CLPB: variants seen among roughly 807,000 people sequenced by gnomAD.
CLPB encodes the protein mitochondrial disaggregase.
CLPB carries 40 observed loss-of-function variants against 78.4 expected under a neutral mutation model. The observed-to-expected ratio is 0.51, with a 90% confidence interval of 0.40 to 0.66. CLPB has a LOEUF of 0.66. Ranked by LOEUF, CLPB falls within the 30% of genes least tolerant of loss-of-function variation. The pLI is 0.00. For synonymous variants in CLPB, 333 were observed against 348.0 expected, an observed-to-expected ratio of 0.96 and a Z score of 0.48; for missense variants, 780 against 886.9, an observed-to-expected ratio of 0.88 and a Z score of 1.53.
At chr11:72,368,684 T>C (rs1445891559) in intron 4 of CLPB, among the ~76,000 whole-genome samples, 4 of 152,232 alleles carry the variant, frequency 2.6e-5, no homozygotes, top group Non-Finnish European at 4.4e-5. Context: ...GGTTGCTTAA[T>C]AAACACTTCT....
intron 2 of CLPB, among the ~76,000 whole-genome samples, chr11:72,421,813 G>A (rs1248902277): frequency 2.0e-5 from 3 of 152,160 alleles, no homozygotes; most frequent in Admixed American, 1.3e-4. Flanking sequence ...CATCACCAGG[G>A]AACAAGCAAT....
chr11:72,386,275 C>T lies in CLPB; in HGVS notation c.543-5891G>A, dbSNP rs145755520. ...ATATGTTTAATAGTCAGTTGTGCTT[C>T]TTCTTCACAAATCCCTTATTAAGGT... On this transcript the variant is annotated intron_variant, in intron 3 of 15. Transcript: ENST00000538039. 1.1e-4 allele frequency among the ~76,000 whole-genome samples: 16 copies of T among 152,236 alleles called. No homozygotes were observed. In the East Asian group the frequency reaches 3.1e-3, roughly 29 times the overall value.
intron 5 of CLPB, among the ~76,000 whole-genome samples, chr11:72,339,295 AG>A (rs1485408632): frequency 2.0e-5 from 3 of 152,208 alleles, no homozygotes; most frequent in Non-Finnish European, 4.4e-5. Flanking sequence ...GAGAAAGGAA[AG>A]GGTTTAGAGG....
At chr11:72,313,470 A>G (rs749714706) in intron 7 of CLPB, among the ~76,000 whole-genome samples, 5 of 152,270 alleles carry the variant, frequency 3.3e-5, no homozygotes, top group Non-Finnish European at 5.9e-5. Context: ...CTCAGGCTTC[A>G]TTCACTGAGT....
At chr11:72,347,608 C>A (rs1713843025) in intron 5 of CLPB, among the ~76,000 whole-genome samples, 1 of 152,198 alleles carries the variant, frequency 6.6e-6, no homozygotes, top group East Asian at 1.9e-4. Context: ...GTACTATGTA[C>A]AAGTATTAAC....
intron 2 of CLPB, among the ~76,000 whole-genome samples, chr11:72,420,708 T>A (rs1338312826): frequency 1.3e-5 from 2 of 152,086 alleles, no homozygotes; most frequent in East Asian, 3.9e-4. Context: ...GATACTGGTG[T>A]TGTAGGAGTT....
intron 5 of CLPB, chr11:72,337,052 C>G (rs2135563203): frequency 2.5e-6 from 1 of 398,836 alleles, no homozygotes; most frequent in East Asian, 3.6e-5. Flanking sequence ...ACTTTCATAT[C>G]TTGGTTTAGT....
intron 2 of CLPB, chr11:72,412,176 T>C (rs943206209): frequency 2.6e-5 from 4 of 152,280 alleles, no homozygotes; most frequent in South Asian, 4.1e-4. Context: ...TTCAACTCCA[T>C]AGACAAGGCC....
At position 72,373,021 on chromosome 11, in the gene CLPB, A is replaced by G. The variant is rs750446096; in HGVS notation, c.646+7260T>C. 3 of 1,612,958 alleles carry G rather than the reference A, an allele frequency of 1.9e-6. No homozygotes were observed. The African/African-American group carries it at 4.0e-5, about 22-fold the overall frequency. On this transcript the variant is annotated intron_variant, in intron 4 of 15. Coordinates refer to ENST00000538039, the MANE Select transcript of CLPB (RefSeq NM_001258392.3). ...GCACCGTCCTGTCCCCCATCTGAAGACACAGAGATGGGGAGGTCAGCTGGA... is the reference window on the plus strand; with the variant it reads ...GCACCGTCCTGTCCCCCATCTGAAGGCACAGAGATGGGGAGGTCAGCTGGA...
intron 3 of CLPB, among the ~76,000 whole-genome samples, chr11:72,389,615 G>A (rs768463832): frequency 6.6e-6 from 1 of 152,178 alleles, no homozygotes; most frequent in Non-Finnish European, 1.5e-5. Flanking sequence ...CACTCACTGG[G>A]CAAAGGCTTA....
At position 72,295,651 on chromosome 11, in the gene CLPB, G is replaced by C. The variant is rs1476926715; in HGVS notation, c.1330-3C>G. 1.2e-6 allele frequency: 2 copies of C among 1,613,638 alleles called. No homozygotes were observed. Among genetic ancestry groups the C allele is most frequent in the African/African-American group, 1.3e-5 (1 of 74,936 alleles). Reference sequence around the variant, plus strand: ...CCTTTTCCATCTGTCAGCCGGCCCTGGGAAGGGAAGGAAGGGAGTGTACAG... The same window carrying C: ...CCTTTTCCATCTGTCAGCCGGCCCTCGGAAGGGAAGGAAGGGAGTGTACAG... On this transcript the variant is annotated splice_region_variant and splice_polypyrimidine_tract_variant and intron_variant, in intron 11 of 15. Coordinates refer to ENST00000538039, the MANE Select transcript of CLPB (RefSeq NM_001258392.3).
intron 3 of CLPB, among the ~76,000 whole-genome samples, chr11:72,400,023 T>C (rs540485593): frequency 2.6e-5 from 4 of 152,308 alleles, no homozygotes; most frequent in African/African-American, 9.6e-5. Context: ...AGTTCTACTT[T>C]TCCTTTTTCC....
At chr11:72,371,996 A>G (rs921108280) in intron 4 of CLPB, among the ~76,000 whole-genome samples, 3 of 152,216 alleles carry the variant, frequency 2.0e-5, no homozygotes, top group Non-Finnish European at 4.4e-5. Context: ...CATTTGCACA[A>G]TGCCTTGTAT....
In CLPB at chr11:72,293,600, C is replaced by A; in HGVS notation, c.1801G>T (p.Val601Leu). The A allele has an allele frequency of 6.2e-7, 1 of 1,612,048 alleles. No homozygotes were observed. Among genetic ancestry groups the A allele is most frequent in the Non-Finnish European group, 8.5e-7 (1 of 1,178,362 alleles). The part of the protein sequence containing the change: ...SIKHEVERRV[V>L]NQLAAAYEQD... ...TCATAGGCTGCTGCCAGCTGGTTCA[C>A]CACACGGCGTTCTACCTGTCGGTGG... is the stretch of plus-strand genomic sequence containing the variant. Residue 601 changes from valine (V) to leucine (L), a missense_variant, in exon 16 of 16, where the codon GTG becomes TTG. By Grantham distance (32) the Val-to-Leu change is conservative. This residue lies in a region of CLPB where 272 missense variants were observed against 304.0 expected (regional missense o/e 0.89). Coordinates refer to ENST00000538039, the MANE Select transcript of CLPB (RefSeq NM_001258392.3).
intron 4 of CLPB, among the ~76,000 whole-genome samples, chr11:72,364,897 A>T (rs1950913829): frequency 6.6e-6 from 1 of 152,230 alleles, no homozygotes; most frequent in Non-Finnish European, 1.5e-5. Flanking sequence ...CACAAGAGTC[A>T]ATGGCAAACC....
At chr11:72,431,608 G>A (rs1309234230) in intron 1 of CLPB, among the ~76,000 whole-genome samples, 1 of 152,108 alleles carries the variant, frequency 6.6e-6, no homozygotes, top group African/African-American at 2.4e-5. Context: ...TACCTTACCG[G>A]ATGTACCTAA....
At chr11:72,306,575 G>C (rs1949749333) in intron 9 of CLPB, among the ~76,000 whole-genome samples, 1 of 152,174 alleles carries the variant, frequency 6.6e-6, no homozygotes, top group Non-Finnish European at 1.5e-5. Flanking sequence ...TGAACAAACA[G>C]GGGATGGGGA....
chr11:72,390,517 A>T (rs1353513499), intron 3 of CLPB, among the ~76,000 whole-genome samples: 2 of 152,170 alleles, frequency 1.3e-5, no homozygotes, highest in Non-Finnish European at 2.9e-5. Flanking sequence ...AAAGATATCA[A>T]CAGCCAATTC....
At chr11:72,374,457 G>C (rs1352551771) in intron 4 of CLPB, among the ~76,000 whole-genome samples, 1 of 152,294 alleles carries the variant, frequency 6.6e-6, no homozygotes, top group East Asian at 1.9e-4. Flanking sequence ...ATGCCACTCT[G>C]AGGGCTGGAG....
Sources: gnomAD v4.1 joint callset for allele counts (sites outside exome capture counted in the v4.1 genomes callset) on GRCh38, gnomAD v4.1.1 for gene constraint, gnomAD v4.1.1 regional missense constraint, MANE v1.5 for transcripts, NCBI Gene and HGNC (gene_info 2026-07-23, HGNC 2026-07-21) for gene names.